CTNNA3: variants seen among roughly 807,000 people sequenced by gnomAD.
CTNNA3 encodes catenin alpha 3.
A neutral mutation model predicts 95.7 loss-of-function variants in CTNNA3; 76 were observed. The ratio of observed to expected loss-of-function variants is 0.79; its 90% CI spans 0.66 to 0.96. The LOEUF is 0.96. CTNNA3 is among the 40% of genes least tolerant of loss of function. The pLI is 0.00. For missense variants in CTNNA3, 1,191 were observed against 1,089.8 expected (o/e 1.09, Z -1.31); for synonymous variants, 431 against 374.4 (o/e 1.15, Z -1.74).
chr10:67,622,751 A>T (rs1843887557), intron 2 of CTNNA3, among the ~76,000 whole-genome samples: 1 of 152,152 alleles, frequency 6.6e-6, no homozygotes, highest in Admixed American at 6.5e-5. Context: ...CCATTTTCCC[A>T]TGGGAGCAGT....
chr10:67,022,333 C>CTG (rs150014515), intron 7 of CTNNA3, among the ~76,000 whole-genome samples: 12 of 151,514 alleles, frequency 7.9e-5, no homozygotes, highest in East Asian at 5.8e-4. Context: ...ACACATGCCT[C>CTG]TGTGTGTGTG....
chr10:65,981,671 T>C (rs558478462), intron 16 of CTNNA3, among the ~76,000 whole-genome samples: 2 of 152,044 alleles, frequency 1.3e-5, no homozygotes, highest in African/African-American at 4.8e-5. Context: ...TGGAACAGAA[T>C]AGAGAACCCA....
At chr10:67,528,396 G>A (rs773933416) in intron 4 of CTNNA3, among the ~76,000 whole-genome samples, 4 of 151,936 alleles carry the variant, frequency 2.6e-5, no homozygotes, top group Non-Finnish European at 4.4e-5. Context: ...TTAGCACATA[G>A]ACCTTTCAAA....
At chr10:67,445,554 C>A (rs1030195518) in intron 5 of CTNNA3, among the ~76,000 whole-genome samples, 5 of 152,080 alleles carry the variant, frequency 3.3e-5, no homozygotes, top group Non-Finnish European at 5.9e-5. Context: ...GAAGGCAGAG[C>A]CCTCATGACC....
chr10:65,966,751 A>T lies in CTNNA3; in HGVS notation c.2266-5T>A. 6.2e-7 allele frequency: 1 copy of T among 1,601,896 alleles called. No homozygotes were observed. The highest frequency in any genetic ancestry group is 1.1e-5 in the South Asian group (1 of 89,762). The stretch of plus-strand genomic sequence containing the variant: ...TTTACAAGATGGATCTGGGCACTAA[A>T]TATGAATCAAAGATAAAAATAGATA... On this transcript the variant is annotated splice_polypyrimidine_tract_variant and splice_region_variant and intron_variant, in intron 16 of 17. Coordinates refer to ENST00000433211, the MANE Select transcript of CTNNA3 (RefSeq NM_013266.4).
chr10:66,236,829 A>C (rs1341282546), intron 13 of CTNNA3, among the ~76,000 whole-genome samples: 1 of 145,070 alleles, frequency 6.9e-6, no homozygotes, highest in African/African-American at 2.8e-5. Context: ...AAAGCCTCAA[A>C]TACAGCCAGG....
chr10:66,255,775 G>A (rs2090745644), intron 13 of CTNNA3, among the ~76,000 whole-genome samples: 1 of 152,174 alleles, frequency 6.6e-6, no homozygotes, highest in Non-Finnish European at 1.5e-5. Flanking sequence ...GGAAAAATTC[G>A]AATTCATGCA....
chr10:67,490,230 T>C (rs995301704), intron 5 of CTNNA3, among the ~76,000 whole-genome samples: 1 of 152,188 alleles, frequency 6.6e-6, no homozygotes, highest in African/African-American at 2.4e-5. Context: ...GTCACAACAA[T>C]TTTGGGAAAC....
intron 17 of CTNNA3, among the ~76,000 whole-genome samples, chr10:65,961,625 G>A (rs1206559856): frequency 2.0e-5 from 3 of 151,968 alleles, no homozygotes; most frequent in Admixed American, 6.6e-5. Flanking sequence ...CTTTTTCATA[G>A]AAACAGAACT....
intron 2 of CTNNA3, among the ~76,000 whole-genome samples, chr10:67,630,074 G>A (rs1408582808): frequency 6.6e-6 from 1 of 152,136 alleles, no homozygotes. Context: ...ACCTATAACT[G>A]AGTGTCACTA....
chr10:66,890,131 C>A (rs1466817664), intron 7 of CTNNA3, among the ~76,000 whole-genome samples: 3 of 152,020 alleles, frequency 2.0e-5, no homozygotes, highest in Admixed American at 2.0e-4. Context: ...AGCAAAATTT[C>A]CATTTTGGAC....
intron 17 of CTNNA3, among the ~76,000 whole-genome samples, chr10:65,925,664 T>C (rs1490662823): frequency 6.6e-6 from 1 of 152,216 alleles, no homozygotes; most frequent in East Asian, 1.9e-4. Context: ...CCCCAACTCC[T>C]GACCTCAGGT....
intron 11 of CTNNA3, among the ~76,000 whole-genome samples, chr10:66,515,619 T>A (rs1589363558): frequency 1.3e-5 from 2 of 152,240 alleles, no homozygotes; most frequent in East Asian, 3.9e-4. Flanking sequence ...AAAAGAGGTT[T>A]AATTGACTCA....
At chr10:66,301,502 T>C (rs936583439) in intron 12 of CTNNA3, among the ~76,000 whole-genome samples, 8 of 151,844 alleles carry the variant, frequency 5.3e-5, no homozygotes, top group Non-Finnish European at 1.2e-4. Context: ...AATTTTATTA[T>C]AAATAGTCAT....
At chr10:67,148,482 C>T (rs1397867160) in intron 7 of CTNNA3, among the ~76,000 whole-genome samples, 1 of 152,130 alleles carries the variant, frequency 6.6e-6, no homozygotes, top group Non-Finnish European at 1.5e-5. Context: ...TTCTCTTTAC[C>T]AGATCATGGG....
intron 7 of CTNNA3, among the ~76,000 whole-genome samples, chr10:66,955,110 C>T (rs1380863149): frequency 6.6e-6 from 1 of 152,084 alleles, no homozygotes; most frequent in African/African-American, 2.4e-5. Flanking sequence ...CTTCCTCTAA[C>T]CTCTGAAAAG....
At chr10:67,128,016 A>T (rs1370445280) in intron 7 of CTNNA3, among the ~76,000 whole-genome samples, 1 of 152,134 alleles carries the variant, frequency 6.6e-6, no homozygotes, top group Non-Finnish European at 1.5e-5. Context: ...AGCAAATGAC[A>T]CTAACCAATA....
intron 7 of CTNNA3, among the ~76,000 whole-genome samples, chr10:66,882,188 G>A (rs1844875488): frequency 6.6e-6 from 1 of 152,022 alleles, no homozygotes; most frequent in African/African-American, 2.4e-5. Flanking sequence ...GTCTTTGGTG[G>A]GGGATAACGA....
chr10:66,544,505 G>A (rs1262020782), intron 10 of CTNNA3, among the ~76,000 whole-genome samples: 4 of 152,100 alleles, frequency 2.6e-5, no homozygotes, highest in Non-Finnish European at 5.9e-5. Flanking sequence ...TTTAATAAAT[G>A]TGGACTGAGA....
Sources: gnomAD v4.1 joint callset for allele counts (sites outside exome capture counted in the v4.1 genomes callset) on GRCh38, gnomAD v4.1.1 for gene constraint, MANE v1.5 for transcripts, NCBI Gene and HGNC (gene_info 2026-07-23, HGNC 2026-07-21) for gene names.